The following CUEDC1 variants were observed in gnomAD, a reference collection of about 807,000 sequenced individuals.
The protein encoded by CUEDC1 is CUE domain containing 1.
Under a neutral mutation model 43.7 loss-of-function variants are expected in CUEDC1, and 30 were observed. The ratio of observed to expected loss-of-function variants is 0.69; its 90% CI spans 0.51 to 0.93. The LOEUF is 0.93. Among genes scored for constraint, CUEDC1 ranks in the 40% least tolerant of loss-of-function variants. The probability of loss-of-function intolerance (pLI) is 0.00; values close to 1 mark genes in which losing one functional copy is unlikely to be tolerated. For missense variants in CUEDC1, 486 were observed against 549.0 expected (o/e 0.89, Z 1.15); for synonymous variants, 223 against 223.6 (o/e 1.00, Z 0.02).
At chr17:57,952,155 C>A (rs1432393839) in intron 1 of CUEDC1, among the ~76,000 whole-genome samples, 1 of 152,148 alleles carries the variant, frequency 6.6e-6, no homozygotes, top group Non-Finnish European at 1.5e-5. Flanking sequence ...AGTCAAGGAC[C>A]ACTGGACCAC....
intron 1 of CUEDC1, among the ~76,000 whole-genome samples, chr17:57,912,676 AAAAC>A (rs2074596398): frequency 6.6e-6 from 1 of 152,376 alleles, no homozygotes; most frequent in Admixed American, 6.5e-5. Context: ...GGGAGAGTAA[AAAAC>A]AAACAATAAT....
intron 3 of CUEDC1, among the ~76,000 whole-genome samples, chr17:57,874,987 C>G (rs2074095864): frequency 6.6e-6 from 1 of 152,166 alleles, no homozygotes; most frequent in Admixed American, 6.5e-5. Flanking sequence ...CACCCTCTCC[C>G]TGCACAGACA....
In CUEDC1 at chr17:57,929,932, G is replaced by C. The variant is rs560557367; in HGVS notation, c.-316+25293C>G. ...TTCTCCTGCCTCAGCCTCCCGAGTA[G>C]CTGGGATTACAGGCAGGCACCACCA... On this transcript the variant is annotated intron_variant, in intron 1 of 10. Transcript: ENST00000577830. 3.1e-4 allele frequency among the ~76,000 whole-genome samples: 47 copies of C among 152,270 alleles called. 1 individual carries two copies. The highest frequency in any genetic ancestry group is 1.1e-3 in the African/African-American group (46 of 41,544).
At chr17:57,908,881 C>A (rs994571001) in intron 1 of CUEDC1, among the ~76,000 whole-genome samples, 1 of 152,114 alleles carries the variant, frequency 6.6e-6, no homozygotes, top group African/African-American at 2.4e-5. Context: ...CCTCTATTCC[C>A]AGCTACTCGA....
intron 5 of CUEDC1, 136 bp downstream of exon 5, chr17:57,872,527 G>A: frequency 1.1e-6 from 1 of 937,390 alleles, no homozygotes; most frequent in Admixed American, 2.8e-5. Context: ...ATAACTTGGT[G>A]GGAGTCATGC....
chr17:57,866,733 G>A, intron 9 of CUEDC1, 189 bp from the exon 10 acceptor site: 1 of 590,842 alleles, frequency 1.7e-6, no homozygotes, highest in East Asian at 2.8e-5. Context: ...GTGCTGGCCA[G>A]GGTCCACCAC....
rs1208718169 is a variant in CUEDC1, at chr17:57,954,537, C to A, written c.-316+688G>T. 1.3e-5 allele frequency among the ~76,000 whole-genome samples: 2 copies of A among 152,140 alleles called. No individual in the cohort carries two copies. Among genetic ancestry groups the A allele is most frequent in the East Asian group, 1.9e-4 (1 of 5,184 alleles). Reference sequence around the variant, plus strand: ...AGGAATGAATAAACGCTGACACCAGCCCCCCTTGGAGCTCAGAGCCTGGGG... The same window carrying A: ...AGGAATGAATAAACGCTGACACCAGACCCCCTTGGAGCTCAGAGCCTGGGG... On this transcript the variant is annotated intron_variant, in intron 1 of 10. Coordinates refer to ENST00000577830, the MANE Select transcript of CUEDC1 (RefSeq NM_001271875.2). This position sits in a 1 kb window ranked among gnomAD's most constrained non-coding sequence, Gnocchi z 4.3.
intron 1 of CUEDC1, among the ~76,000 whole-genome samples, chr17:57,935,527 C>G (rs1050432482): frequency 1.3e-5 from 2 of 152,084 alleles, no homozygotes; most frequent in African/African-American, 4.8e-5. Context: ...TGCCTGGGGC[C>G]GGGGTGAAGG....
Position 57,868,167 on chromosome 17 carries a change from G to C in CUEDC1, c.1017C>G (p.His339Gln). Reference protein sequence around the residue: ...KTKMRKSKRKHLLKHQSLGAA... With the variant: ...KTKMRKSKRKQLLKHQSLGAA... Reference sequence around the variant, plus strand: ...AAGGATACGACTGATGCTTCAACAAGTGTTTCCTCTTTGACTTCCTCATTT... The same window carrying C: ...AAGGATACGACTGATGCTTCAACAACTGTTTCCTCTTTGACTTCCTCATTT... The change falls in exon 8 of 11, where the codon CAC (histidine) becomes CAG (glutamine). Residue 339 changes from histidine to glutamine, a missense_variant. By Grantham distance (24) the His-to-Gln change is conservative. Transcript: ENST00000577830. 3 of 1,614,026 alleles carry C rather than the reference G, an allele frequency of 1.9e-6. No homozygotes were observed. Among genetic ancestry groups the C allele is most frequent in the Non-Finnish European group, 2.5e-6 (3 of 1,179,850 alleles).
At chr17:57,888,437 A>G (rs1385756929) in intron 1 of CUEDC1, among the ~76,000 whole-genome samples, 1 of 152,228 alleles carries the variant, frequency 6.6e-6, no homozygotes, top group Non-Finnish European at 1.5e-5. Flanking sequence ...CAGATGAGCA[A>G]GTCAGAGCCC....
intron 10 of CUEDC1, among the ~76,000 whole-genome samples, chr17:57,864,914 A>C (rs964784250): frequency 6.6e-6 from 1 of 152,154 alleles, no homozygotes; most frequent in African/African-American, 2.4e-5. Flanking sequence ...CAAATTAGCC[A>C]GGCAAGATAG....
chr17:57,911,714 G>A (rs534773857), intron 1 of CUEDC1, among the ~76,000 whole-genome samples: 2 of 152,090 alleles, frequency 1.3e-5, no homozygotes, highest in Non-Finnish European at 2.9e-5. Context: ...TGTTGGCCAG[G>A]CCTGACTCAA....
chr17:57,886,045 C>T (rs575812248), intron 1 of CUEDC1, among the ~76,000 whole-genome samples, 166 bp from the exon 2 acceptor site: 3 of 152,284 alleles, frequency 2.0e-5, no homozygotes, highest in South Asian at 2.1e-4. Context: ...TAATGAAATC[C>T]CCACAGTTCT....
chr17:57,913,328 C>T (rs80215652), intron 1 of CUEDC1, among the ~76,000 whole-genome samples: 1 of 130,314 alleles, frequency 7.7e-6, no homozygotes, highest in East Asian at 2.2e-4. Context: ...GACTCCATCT[C>T]AAAAAAAAAA....
At chr17:57,888,957 C>T (rs2074327265) in intron 1 of CUEDC1, among the ~76,000 whole-genome samples, 2 of 152,052 alleles carry the variant, frequency 1.3e-5, no homozygotes, top group African/African-American at 2.4e-5. Flanking sequence ...ATGGCAAGAC[C>T]GACATTTTCC....
chr17:57,867,545 A>C, intron 8 of CUEDC1, 130 bp from the exon 9 acceptor site: 1 of 757,518 alleles, frequency 1.3e-6, no homozygotes, highest in Non-Finnish European at 2.3e-6. Flanking sequence ...GACCCCCCAC[A>C]CCCTTAGTAC....
rs1384215329 is a variant in CUEDC1 at position 57,955,025 on chromosome 17, CACGCGGAGCTCCCGGGGAGCCGCGCCG to C, written c.-316+173_-316+199del. Among the ~76,000 whole-genome samples the C allele has an allele frequency of 6.6e-6, 1 of 150,932 alleles. No individual in the cohort carries two copies. The highest frequency in any genetic ancestry group is 2.4e-5 in the African/African-American group (1 of 41,198). On this transcript the variant is annotated intron_variant, in intron 1 of 10. Coordinates refer to ENST00000577830, the MANE Select transcript of CUEDC1 (RefSeq NM_001271875.2). The surrounding 1 kb of genome is among the most constrained non-coding windows in gnomAD (Gnocchi z 5.3). ...AGGAAGGGCGGGCGGGGACCTGCCGCACGCGGAGCTCCCGGGGAGCCGCGCCGACAGCCCCGGGAATCAAACTCGCGA... is the reference window on the plus strand; with the variant it reads ...AGGAAGGGCGGGCGGGGACCTGCCGCACAGCCCCGGGAATCAAACTCGCGA...
At chr17:57,932,855 T>A (rs79417554) in intron 1 of CUEDC1, among the ~76,000 whole-genome samples, 7,618 of 150,406 alleles carry the variant, frequency 0.051, 293 homozygotes, top group Admixed American at 0.12. Flanking sequence ...AGAGCAAAAC[T>A]CTGTCTTAAA....
At chr17:57,901,940 G>A (rs540330640) in intron 1 of CUEDC1, among the ~76,000 whole-genome samples, 1 of 152,290 alleles carries the variant, frequency 6.6e-6, no homozygotes, top group Admixed American at 6.5e-5. Flanking sequence ...TTGGGAGGCC[G>A]AGGCAGGCTA....
Sources: allele counts gnomAD v4.1 joint callset (sites outside exome capture counted in the v4.1 genomes callset), GRCh38; gene constraint gnomAD v4.1.1; non-coding constraint Gnocchi (gnomAD v3.1); transcripts MANE v1.5; gene names NCBI Gene and HGNC (gene_info 2026-07-23, HGNC 2026-07-21).